Variants in CD4 observed in about 807,000 individuals in gnomAD.
CD4 encodes T-cell surface glycoprotein CD4.
Under a neutral mutation model 50.5 loss-of-function variants are expected in CD4, and 25 were observed. The ratio of observed to expected loss-of-function variants is 0.49; its 90% CI spans 0.36 to 0.69. CD4 has a LOEUF of 0.69. CD4 is among the 30% of genes least tolerant of loss of function. The pLI is 0.00. For missense variants in CD4, 456 were observed against 548.5 expected (o/e 0.83, Z 1.68); for synonymous variants, 207 against 221.9 (o/e 0.93, Z 0.60).
At chr12:6,801,286 G>A (rs1400405638) in intron 3 of CD4, among the ~76,000 whole-genome samples, 4 of 151,260 alleles carry the variant, frequency 2.6e-5, no homozygotes, top group Non-Finnish European at 5.9e-5. Context: ...GGAGTTTGAG[G>A]TGGGCAGATC....
chr12:6,792,564 T>C lies in CD4; in HGVS notation c.-68+2902T>C, dbSNP rs1274626680. Among the ~76,000 whole-genome samples, 1 of 152,200 alleles carries C rather than the reference T, an allele frequency of 6.6e-6. No individual in the cohort carries two copies. Among genetic ancestry groups the C allele is most frequent in the Non-Finnish European group, 1.5e-5 (1 of 68,028 alleles). On this transcript the variant is annotated intron_variant, in intron 1 of 9. Coordinates refer to ENST00000011653, the MANE Select transcript of CD4 (RefSeq NM_000616.5). The surrounding 1 kb of genome is among the most constrained non-coding windows in gnomAD (Gnocchi z 4.1). ...TCCCTCCCCTCCTCCCTTGAGGCTC[T>C]GTGCATTCTGGGGAACTCTGTCCAT...
chr12:6,817,872 C>T (rs56974212), intron 7 of CD4, among the ~76,000 whole-genome samples: 2,915 of 146,654 alleles, frequency 0.02, 85 homozygotes, highest in African/African-American at 0.071. Flanking sequence ...CATGCATGCA[C>T]ACACACACTT....
intron 1 of CD4, among the ~76,000 whole-genome samples, chr12:6,793,325 C>T (rs1942226914): frequency 1.3e-5 from 2 of 152,098 alleles, no homozygotes; most frequent in Admixed American, 1.3e-4. Flanking sequence ...TCTAGTCTTC[C>T]CCAGGCATCT....
rs1453119147 is a variant in CD4, at chr12:6,792,382, T to C, written c.-68+2720T>C. Among the ~76,000 whole-genome samples, 3 of 152,194 alleles carry C rather than the reference T, an allele frequency of 2.0e-5. No individual in the cohort carries two copies. The highest frequency in any genetic ancestry group is 2.9e-5 in the Non-Finnish European group (2 of 68,036). ...TTCTCTTTCTCAGTCTCTCTTTGCC[T>C]CACTTTGGATCTATGCTCTGTGCAT... On this transcript the variant is annotated intron_variant, in intron 1 of 9. Coordinates refer to ENST00000011653, the MANE Select transcript of CD4 (RefSeq NM_000616.5). This position sits in a 1 kb window ranked among gnomAD's most constrained non-coding sequence, Gnocchi z 4.1.
intron 3 of CD4, 90 bp from the exon 4 acceptor site, chr12:6,814,052 T>G (rs1359406319): frequency 8.8e-7 from 1 of 1,136,260 alleles, no homozygotes; most frequent in Admixed American, 2.2e-5. Flanking sequence ...AATTAGCAAC[T>G]GATATCAGAA....
chr12:6,814,739 G>T lies in CD4; in HGVS notation c.374-20G>T. 6.4e-7 allele frequency: 1 copy of T among 1,570,586 alleles called. No individual in the cohort carries two copies. The highest frequency in any genetic ancestry group is 8.8e-7 in the Non-Finnish European group (1 of 1,140,648). On this transcript the variant is annotated intron_variant, in intron 4 of 9. Coordinates refer to ENST00000011653, the MANE Select transcript of CD4 (RefSeq NM_000616.5). ...TTGGGGATGGTATGTGTGTGACACA[G>T]CTGGCCTTTCCCTCCACAGTGACTG...
intron 1 of CD4, among the ~76,000 whole-genome samples, chr12:6,794,030 ATCTG>A (rs58187329): frequency 0.075 from 10,673 of 143,026 alleles, 1,232 homozygotes; most frequent in African/African-American, 0.25. Context: ...ATCTATCTAT[ATCTG>A]TCTATCTATC....
chr12:6,793,246 C>T (rs112981788), intron 1 of CD4, among the ~76,000 whole-genome samples: 3 of 152,126 alleles, frequency 2.0e-5, no homozygotes. Flanking sequence ...TGGCTGTCTG[C>T]ACATACCTCA....
At position 6,818,997 on chromosome 12, in the gene CD4, AG is replaced by A; in HGVS notation, c.1346+89del. 1 of 474,640 alleles carries A rather than the reference AG, an allele frequency of 2.1e-6. No homozygotes were observed. The allele number at this position is 474,640 out of a possible 1,614,324, so 29.4% of individuals were successfully genotyped here. A position where few individuals can be genotyped will look rare whatever the true frequency, so the allele number is the denominator to read the frequency against. On this transcript the variant is annotated intron_variant, in intron 9 of 9. Transcript: ENST00000011653. This position sits in a 1 kb window ranked among gnomAD's most constrained non-coding sequence, Gnocchi z 5.0. ...AGAGGAGGGGGAGGAAGGGGAGCAA[AG>A]GGGGGCAGGAAGGGAGGATGGAGAG...
chr12:6,797,692 T>A (rs1024979684), intron 1 of CD4, among the ~76,000 whole-genome samples: 4 of 152,078 alleles, frequency 2.6e-5, no homozygotes, highest in African/African-American at 9.7e-5. Flanking sequence ...CATAAATAAG[T>A]TTAAGGAAAG....
intron 3 of CD4, among the ~76,000 whole-genome samples, chr12:6,804,234 T>C (rs1555115825): frequency 1.3e-5 from 2 of 152,128 alleles, no homozygotes; most frequent in Admixed American, 6.6e-5. Context: ...TTATATTTAA[T>C]GGTGAAAAAC....
At position 6,818,366 on chromosome 12, in the gene CD4, G is replaced by T; in HGVS notation, c.1157-55G>T. 1.2e-6 allele frequency: 2 copies of T among 1,602,934 alleles called. No individual in the cohort carries two copies. ...AGGAGGGATTGCAGGGCAGTCCTCAGTCCCCTGGCCCGTGGAGGAGGGCGG... is the reference window on the plus strand; with the variant it reads ...AGGAGGGATTGCAGGGCAGTCCTCATTCCCCTGGCCCGTGGAGGAGGGCGG... On this transcript the variant is annotated intron_variant, in intron 7 of 9. Transcript: ENST00000011653. The surrounding 1 kb of genome is among the most constrained non-coding windows in gnomAD (Gnocchi z 5.0).
rs782740827 is a variant in CD4 at position 6,817,264 on chromosome 12, G to C, written c.1090G>C (p.Glu364Gln). ...GAAGGCGGTGTGGGTGCTGAACCCTGAGGCGGGGATGTGGCAGTGTCTGCT... is the reference window on the plus strand; with the variant it reads ...GAAGGCGGTGTGGGTGCTGAACCCTCAGGCGGGGATGTGGCAGTGTCTGCT... ...REKAVWVLNP[E>Q]AGMWQCLLSD... Residue 364 changes from glutamate (E) to glutamine (Q), a missense_variant, in exon 7 of 10, where the codon GAG becomes CAG. Glu to Gln is a conservative substitution (Grantham distance 29). Transcript: ENST00000011653. 2 of 1,598,264 alleles carry C rather than the reference G, an allele frequency of 1.3e-6. No homozygotes were observed. The highest frequency in any genetic ancestry group is 1.7e-6 in the Non-Finnish European group (2 of 1,171,404).
intron 3 of CD4, among the ~76,000 whole-genome samples, chr12:6,801,440 C>T (rs570726115): frequency 4.1e-5 from 6 of 147,866 alleles, no homozygotes; most frequent in South Asian, 2.2e-4. Flanking sequence ...TCGCTTGAAC[C>T]TGGGAGGCAA....
chr12:6,798,115 A>G (rs1942426066), intron 1 of CD4, among the ~76,000 whole-genome samples: 1 of 151,904 alleles, frequency 6.6e-6, no homozygotes, highest in Non-Finnish European at 1.5e-5. Flanking sequence ...TCTCTGGTTA[A>G]TAGAGAACGG....
rs1555114941 is a variant in CD4 at position 6,800,093 on chromosome 12, C to G, written c.-46C>G. On this transcript the variant is annotated 5_prime_UTR_variant, in exon 2 of 10. Coordinates refer to ENST00000011653, the MANE Select transcript of CD4 (RefSeq NM_000616.5). Reference sequence around the variant, plus strand: ...TCAGGCCCTGCCATTTCTGTGGGCTCAGGTCCCTACTGGCTCAGGCCCCTG... The same window carrying G: ...TCAGGCCCTGCCATTTCTGTGGGCTGAGGTCCCTACTGGCTCAGGCCCCTG... 1 of 1,582,422 alleles carries G rather than the reference C, an allele frequency of 6.3e-7. No homozygotes were observed. The highest frequency in any genetic ancestry group is 8.7e-7 in the Non-Finnish European group (1 of 1,151,634).
At chr12:6,805,349 A>C (rs1390815206) in intron 3 of CD4, among the ~76,000 whole-genome samples, 2 of 151,754 alleles carry the variant, frequency 1.3e-5, no homozygotes, top group Non-Finnish European at 2.9e-5. Context: ...GATCACTTGA[A>C]GTCGGGAGTT....
intron 1 of CD4, among the ~76,000 whole-genome samples, chr12:6,793,704 C>CTTT (rs112059254): frequency 9.6e-5 from 3 of 31,118 alleles, no homozygotes; most frequent in African/African-American, 1.9e-4. Flanking sequence ...ATCTATCTAT[C>CTTT]TTTTTTTTTT....
In CD4 at chr12:6,819,454, T is replaced by C. The variant is rs782525558; in HGVS notation, c.*125T>C. ...GCCTCCTGTTCGCCTCCTCTACAAT[T>C]TGCCATTGTTTCTCCTGGGTTAGGC... On this transcript the variant is annotated 3_prime_UTR_variant, in exon 10 of 10. Coordinates refer to ENST00000011653, the MANE Select transcript of CD4 (RefSeq NM_000616.5). The C allele has an allele frequency of 2.8e-5, 25 of 895,492 alleles. No homozygotes were observed. In the East Asian group the frequency reaches 6.1e-4, roughly 22 times the overall value. The allele number at this position is 895,492 out of a possible 1,614,324, so 55.5% of individuals were successfully genotyped here. A position where few individuals can be genotyped will look rare whatever the true frequency, so the allele number is the denominator to read the frequency against.
Sources: allele counts gnomAD v4.1 joint callset (sites outside exome capture counted in the v4.1 genomes callset), GRCh38; gene constraint gnomAD v4.1.1; non-coding constraint Gnocchi (gnomAD v3.1); transcripts MANE v1.5; gene names NCBI Gene and HGNC (gene_info 2026-07-23, HGNC 2026-07-21).